Variants in LYRM2 observed in about 807,000 individuals in gnomAD.
The protein encoded by LYRM2 is LYR motif containing 2, also known as LYR motif-containing protein 2.
LYRM2 carries 8 observed loss-of-function variants against 11.6 expected under a neutral mutation model. The ratio of observed to expected loss-of-function variants is 0.69; its 90% CI spans 0.40 to 1.24. The LOEUF is 1.24. LYRM2 is among the 50% of genes most tolerant of loss of function. The pLI, the probability that LYRM2 is intolerant of heterozygous loss-of-function variation, is 0.01. For synonymous variants in LYRM2, 30 were observed against 36.4 expected, an observed-to-expected ratio of 0.83 and a Z score of 0.63; for missense variants, 117 against 102.9, an observed-to-expected ratio of 1.14 and a Z score of -0.59.
rs1201545786 is a variant in LYRM2, at chr6:89,636,531, T to G, written c.*742A>C. The stretch of plus-strand genomic sequence containing the variant: ...GCAGCTGTTTCATCTTTTGAGGAAC[T>G]GACCGTCTGTTTTCTGAAGTGGCTA... On this transcript the variant is annotated 3_prime_UTR_variant, in exon 3 of 3. Coordinates refer to ENST00000523377, the MANE Select transcript of LYRM2 (RefSeq NM_020466.5). 2 of 152,282 alleles carry G rather than the reference T, an allele frequency of 1.3e-5. No individual in the cohort carries two copies. The highest frequency in any genetic ancestry group is 6.5e-5 in the Admixed American group (1 of 15,284). The allele number at this position is 152,282 out of a possible 1,614,324, so 9.4% of individuals were successfully genotyped here.
chr6:89,638,673 T>C lies in LYRM2; in HGVS notation c.44A>G (p.Gln15Arg), dbSNP rs1176278198. The change falls in exon 1 of 3, where the codon CAG becomes CGG. Residue 15 changes from glutamine to arginine, a missense_variant and splice_region_variant. By Grantham distance (43) the Gln-to-Arg change is conservative. Coordinates refer to ENST00000523377, the MANE Select transcript of LYRM2 (RefSeq NM_020466.5). ...TGGAAGGCAGAGAACCGCCGGTACC[T>C]GCTTTAACGTTAGCGTCGCTGGGGG... is the stretch of plus-strand genomic sequence containing the variant. ...RLPPATLTLK[Q>R]FVRRQQVLLL... The C allele has an allele frequency of 6.2e-7, 1 of 1,614,002 alleles. No homozygotes were observed. The highest frequency in any genetic ancestry group is 1.3e-5 in the African/African-American group (1 of 74,940).
In LYRM2 at chr6:89,637,055, CTTCTT is replaced by C. The variant is rs1347502543; in HGVS notation, c.*213_*217del. 3 of 388,890 alleles carry C rather than the reference CTTCTT, an allele frequency of 7.7e-6. No individual in the cohort carries two copies. The highest frequency in any genetic ancestry group is 9.4e-6 in the Non-Finnish European group (2 of 213,446). The allele number at this position is 388,890 out of a possible 1,614,324, so 24.1% of individuals were successfully genotyped here. On this transcript the variant is annotated 3_prime_UTR_variant, in exon 3 of 3. Transcript: ENST00000523377. ...CTGGCCATTTGTTAGTGGTTTTTTT[CTTCTT>C]TTAAGAACTGCTGAGACATCCATAA... is the stretch of plus-strand genomic sequence containing the variant.
rs1443561306 is a variant in LYRM2, at chr6:89,637,267, C to G, written c.*6G>C. On this transcript the variant is annotated 3_prime_UTR_variant, in exon 3 of 3. Transcript: ENST00000523377. The stretch of plus-strand genomic sequence containing the variant: ...ACTTTGAAAATCCTTCAGAATAATG[C>G]TATAGTTAAGATTTTGCTAAAGCAA... 1.1e-5 allele frequency: 15 copies of G among 1,338,916 alleles called. No individual in the cohort carries two copies. The South Asian group carries it at 1.8e-4, about 16-fold the overall frequency. 82.9% of individuals were successfully genotyped at this position (1,338,916 alleles called of 1,614,324 possible).
intron 1 of LYRM2, 117 bp from the exon 2 acceptor site, chr6:89,637,999 G>A: frequency 8.6e-7 from 1 of 1,167,454 alleles, no homozygotes; most frequent in Non-Finnish European, 1.2e-6. Context: ...TTTGAAAAAG[G>A]CAAAGAAAAA....
Position 89,637,827 on chromosome 6 carries a change from C to T in LYRM2, c.101G>A (p.Arg34Gln). Residue 34 changes from arginine to glutamine, a missense_variant, in exon 2 of 3, where the codon CGG becomes CAG. Physicochemically the swap from Arg to Gln is conservative, Grantham distance 43 (BLOSUM62 1). Coordinates refer to ENST00000523377, the MANE Select transcript of LYRM2 (RefSeq NM_020466.5). Reference protein sequence around the residue: ...LLYRRILQTIRQVPNDSDRKY... With the variant: ...LLYRRILQTIQQVPNDSDRKY... ...GCGATCAGAATCATTTGGAACTTGC[C>T]GAATTGTTTGCAAAATCCTTCTGTA... 1.2e-6 allele frequency: 2 copies of T among 1,613,966 alleles called. No individual in the cohort carries two copies. The highest frequency in any genetic ancestry group is 1.3e-5 in the African/African-American group (1 of 75,000).
rs1034202548 is a variant in LYRM2 at position 89,633,610 on chromosome 6, T to A, written c.*3663A>T. On this transcript the variant is annotated 3_prime_UTR_variant, in exon 3 of 3. Coordinates refer to ENST00000523377, the MANE Select transcript of LYRM2 (RefSeq NM_020466.5). ...AGTGCATTATTGAGTATACTAAATA[T>A]CTGTGATTAAATAAATTAGTTCTAA... The A allele has an allele frequency of 1.3e-5, 2 of 152,268 alleles. No homozygotes were observed. The highest frequency in any genetic ancestry group is 2.4e-5 in the African/African-American group (1 of 41,478). 9.4% of individuals were successfully genotyped at this position (152,268 alleles called of 1,614,324 possible). A position where few individuals can be genotyped will look rare whatever the true frequency, so the allele number is the denominator to read the frequency against.
chr6:89,635,198 C>T lies in LYRM2; in HGVS notation c.*2075G>A, dbSNP rs966873255. 6.6e-6 allele frequency: 1 copy of T among 152,214 alleles called. No homozygotes were observed. The highest frequency in any genetic ancestry group is 2.4e-5 in the African/African-American group (1 of 41,448). The allele number at this position is 152,214 out of a possible 1,614,324, so 9.4% of individuals were successfully genotyped here. ...AGCATCATTAAATCACTGACTTCTA[C>T]ACCCATAAAAGGATGATTTTGAGTT... On this transcript the variant is annotated 3_prime_UTR_variant, in exon 3 of 3. Coordinates refer to ENST00000523377, the MANE Select transcript of LYRM2 (RefSeq NM_020466.5).
chr6:89,637,787 A>G lies in LYRM2; in HGVS notation c.141T>C (p.Asp47=), dbSNP rs1808053951. 3.1e-6 allele frequency: 5 copies of G among 1,613,946 alleles called. No individual in the cohort carries two copies. The highest frequency in any genetic ancestry group is 2.7e-5 in the African/African-American group (2 of 74,896). Residue 47 remains aspartate (D), a synonymous_variant, in exon 2 of 3, where the codon GAT becomes GAC. Transcript: ENST00000523377. ...PNDSDRKYLK[D]WAREEFRRNK... ...TTCTTCTGAATTCTTCTCTTGCCCA[A>G]TCTTTCAGGTATTTGCGATCAGAAT...
At position 89,635,294 on chromosome 6, in the gene LYRM2, G is replaced by T. The variant is rs1305023162; in HGVS notation, c.*1979C>A. 6.6e-6 allele frequency: 1 copy of T among 152,170 alleles called. No homozygotes were observed. The highest frequency in any genetic ancestry group is 2.4e-5 in the African/African-American group (1 of 41,442). The allele number at this position is 152,170 out of a possible 1,614,324, so 9.4% of individuals were successfully genotyped here. On this transcript the variant is annotated 3_prime_UTR_variant, in exon 3 of 3. Transcript: ENST00000523377. ...GTCACACAAAAAATATTTCCAAAGTGTTCTCTGTTCAGAAACGTCACAAAT... is the reference window on the plus strand; with the variant it reads ...GTCACACAAAAAATATTTCCAAAGTTTTCTCTGTTCAGAAACGTCACAAAT...
chr6:89,635,744 TGAA>T lies in LYRM2; in HGVS notation c.*1526_*1528del, dbSNP rs1490178073. ...AATTTGATCTCCTTCAAAAGTGCCT[TGAA>T]GTCAATTTTGGTTGTAATGTATTTG... is the stretch of plus-strand genomic sequence containing the variant. On this transcript the variant is annotated 3_prime_UTR_variant, in exon 3 of 3. Transcript: ENST00000523377. 1.3e-5 allele frequency: 2 copies of T among 152,272 alleles called. No homozygotes were observed. Among genetic ancestry groups the T allele is most frequent in the African/African-American group, 4.8e-5 (2 of 41,472 alleles). The allele number at this position is 152,272 out of a possible 1,614,324, so 9.4% of individuals were successfully genotyped here. A position where few individuals can be genotyped will look rare whatever the true frequency, so the allele number is the denominator to read the frequency against.
At position 89,637,730 on chromosome 6, in the gene LYRM2, T is replaced by C. The variant is rs115085953; in HGVS notation, c.186+12A>G. On this transcript the variant is annotated intron_variant, in intron 2 of 2. Transcript: ENST00000523377. ...GGGTTAGGATCTGTCCTCACCATGA[T>C]TTTGTTCTCACCTCTTCGGTGGCAC... 3,431 of 1,613,410 alleles carry C rather than the reference T, an allele frequency of 2.1e-3. 71 individuals are homozygous for C. In the African/African-American group the frequency reaches 0.039, roughly 19 times the overall value.
chr6:89,638,089 T>A (rs1808064606), intron 1 of LYRM2, among the ~76,000 whole-genome samples: 1 of 152,010 alleles, frequency 6.6e-6, no homozygotes, highest in Admixed American at 6.5e-5. Flanking sequence ...GATGGGAGGA[T>A]CACTTGAGCC....
chr6:89,637,351 A>G lies in LYRM2; in HGVS notation c.189T>C (p.Asp63=). 1 of 1,598,344 alleles carries G rather than the reference A, an allele frequency of 6.3e-7. No individual in the cohort carries two copies. The highest frequency in any genetic ancestry group is 8.6e-7 in the Non-Finnish European group (1 of 1,166,378). Residue 63 remains aspartate, a splice_region_variant and synonymous_variant, in exon 3 of 3, where the codon GAT becomes GAC. Coordinates refer to ENST00000523377, the MANE Select transcript of LYRM2 (RefSeq NM_020466.5). ...CTTGAGTAATCATCATCCGGATTGT[A>G]TCCTGTAGAATAAAGTGAAATCTGG... is the stretch of plus-strand genomic sequence containing the variant. The part of the protein sequence containing the change: ...FRRNKSATEE[D]TIRMMITQGN...
At chr6:89,638,485 G>T (rs1262433687) in intron 1 of LYRM2, 187 bp downstream of exon 1, 1 of 1,509,408 alleles carries the variant, frequency 6.6e-7, no homozygotes. Flanking sequence ...ACCAAACCAA[G>T]GAAGCAGCCA....
rs67506370 is a variant in LYRM2 at position 89,635,979 on chromosome 6, C to G, written c.*1294G>C. 21,906 of 169,712 alleles carry G rather than the reference C, an allele frequency of 0.13. 1,780 individuals are homozygous for G. The highest frequency in any genetic ancestry group is 0.16 in the Non-Finnish European group (12,176 of 75,746). The allele number at this position is 169,712 out of a possible 1,614,324, so 10.5% of individuals were successfully genotyped here. A position where few individuals can be genotyped will look rare whatever the true frequency, so the allele number is the denominator to read the frequency against. Reference sequence around the variant, plus strand: ...CCCTTTTCAACAAAGATCTAGATTCCCAGTGGTGATCTTTTTGATGAGTTC... The same window carrying G: ...CCCTTTTCAACAAAGATCTAGATTCGCAGTGGTGATCTTTTTGATGAGTTC... On this transcript the variant is annotated 3_prime_UTR_variant, in exon 3 of 3. Transcript: ENST00000523377.
At chr6:89,638,010 CTTT>C (rs369897343) in intron 1 of LYRM2, 128 bp from the exon 2 acceptor site, 3 of 1,026,112 alleles carry the variant, frequency 2.9e-6, no homozygotes, top group Non-Finnish European at 4.2e-6. Context: ...CAAAGAAAAA[CTTT>C]TTTTTTTCTT....
In LYRM2 at chr6:89,632,256, T is replaced by C. The variant is rs76045374; in HGVS notation, c.*5017A>G. On this transcript the variant is annotated 3_prime_UTR_variant, in exon 3 of 3. Transcript: ENST00000523377. ...AAAGAGAAGAAATGATTTATTAACA[T>C]GGGGACACCAAGAAAAACAAAGTAT... 6.6e-5 allele frequency: 10 copies of C among 152,354 alleles called. No homozygotes were observed. The highest frequency in any genetic ancestry group is 1.3e-4 in the Admixed American group (2 of 15,302). The allele number at this position is 152,354 out of a possible 1,614,324, so 9.4% of individuals were successfully genotyped here. A position where few individuals can be genotyped will look rare whatever the true frequency, so the allele number is the denominator to read the frequency against.
chr6:89,638,139 G>A, intron 1 of LYRM2: 1 of 604,934 alleles, frequency 1.7e-6, no homozygotes, highest in Non-Finnish European at 2.5e-6. Context: ...TTGCGCTACT[G>A]CACTCAGCCT....
rs551943196 is a variant in LYRM2, at chr6:89,635,275, C to G, written c.*1998G>C. 6.6e-6 allele frequency: 1 copy of G among 152,182 alleles called. No individual in the cohort carries two copies. Among genetic ancestry groups the G allele is most frequent in the Non-Finnish European group, 1.5e-5 (1 of 68,022 alleles). 9.4% of individuals were successfully genotyped at this position (152,182 alleles called of 1,614,324 possible). On this transcript the variant is annotated 3_prime_UTR_variant, in exon 3 of 3. Coordinates refer to ENST00000523377, the MANE Select transcript of LYRM2 (RefSeq NM_020466.5). ...GCATGTATCTATCAATCATGTCACA[C>G]AAAAAATATTTCCAAAGTGTTCTCT...
Sources: allele counts gnomAD v4.1 joint callset (sites outside exome capture counted in the v4.1 genomes callset), GRCh38; gene constraint gnomAD v4.1.1; transcripts MANE v1.5; gene names NCBI Gene and HGNC (gene_info 2026-07-23, HGNC 2026-07-21).